Variants in KCNIP4 observed in about 807,000 individuals in gnomAD.
KCNIP4 encodes Kv channel-interacting protein 4.
A neutral mutation model predicts 34.0 loss-of-function variants in KCNIP4; 12 were observed. That is an observed-to-expected ratio of 0.35 (90% CI 0.23 to 0.57). The LOEUF (loss-of-function observed/expected upper bound fraction) is 0.57. Among genes scored for constraint, KCNIP4 ranks in the 20% least tolerant of loss-of-function variants. The pLI, the probability that KCNIP4 is intolerant of heterozygous loss-of-function variation, is 0.83. For missense variants in KCNIP4, 238 were observed against 311.7 expected, an observed-to-expected ratio of 0.76 and a Z score of 1.78; for synonymous variants, 124 against 102.2, an observed-to-expected ratio of 1.21 and a Z score of -1.29.
intron 1 of KCNIP4, among the ~76,000 whole-genome samples, chr4:21,601,598 A>G (rs772049399): frequency 3.3e-5 from 5 of 151,958 alleles, no homozygotes; most frequent in South Asian, 2.1e-4. Flanking sequence ...TGGCTCTCCA[A>G]TGGCTTCCTG....
At chr4:21,521,700 C>A (rs554166610) in intron 1 of KCNIP4, among the ~76,000 whole-genome samples, 2 of 152,182 alleles carry the variant, frequency 1.3e-5, no homozygotes, top group East Asian at 1.9e-4. Flanking sequence ...CCCAAAGAAC[C>A]ACCTCCTCCA....
chr4:21,810,337 T>C (rs1305426037), intron 1 of KCNIP4, among the ~76,000 whole-genome samples: 2 of 152,134 alleles, frequency 1.3e-5, no homozygotes, highest in African/African-American at 4.8e-5. Context: ...TTCAAAATCT[T>C]TGTCAACTCC....
At chr4:21,537,271 T>A (rs1331774508) in intron 1 of KCNIP4, among the ~76,000 whole-genome samples, 1 of 152,176 alleles carries the variant, frequency 6.6e-6, no homozygotes, top group Non-Finnish European at 1.5e-5. Context: ...AAACTTAAAT[T>A]CTGTATACAG....
chr4:20,823,289 AAGGTCC>A (rs1717333866), intron 3 of KCNIP4, among the ~76,000 whole-genome samples: 1 of 152,170 alleles, frequency 6.6e-6, no homozygotes, highest in African/African-American at 2.4e-5. Flanking sequence ...CCAAATCCTG[AAGGTCC>A]TTGTATGTAA....
intron 1 of KCNIP4, among the ~76,000 whole-genome samples, chr4:20,929,922 C>G (rs1398328554): frequency 2.0e-5 from 3 of 151,776 alleles, no homozygotes; most frequent in African/African-American, 7.3e-5. Flanking sequence ...AAAAATTTAA[C>G]AATGTTAAAA....
At chr4:21,100,983 C>T (rs564056038) in intron 1 of KCNIP4, among the ~76,000 whole-genome samples, 2 of 152,212 alleles carry the variant, frequency 1.3e-5, no homozygotes, top group South Asian at 4.1e-4. Context: ...AAAATTTTAT[C>T]TATTGAGGGG....
chr4:21,124,412 CT>C (rs1473627238), intron 1 of KCNIP4, among the ~76,000 whole-genome samples: 2 of 152,272 alleles, frequency 1.3e-5, no homozygotes, highest in East Asian at 3.9e-4. Flanking sequence ...GATCTGTGAT[CT>C]TGAGAAATTT....
chr4:21,886,835 C>T (rs1377709251), intron 1 of KCNIP4, among the ~76,000 whole-genome samples: 3 of 151,834 alleles, frequency 2.0e-5, no homozygotes, highest in Non-Finnish European at 4.4e-5. Flanking sequence ...TTTTATTTTT[C>T]ATTTTTCTTC....
chr4:21,206,931 G>A lies in KCNIP4; in HGVS notation c.62-324222C>T, dbSNP rs534613612. Among the ~76,000 whole-genome samples, 3 of 152,272 alleles carry A rather than the reference G, an allele frequency of 2.0e-5. No homozygotes were observed. In the East Asian group the frequency reaches 5.8e-4, roughly 29 times the overall value. ...CATTCATTGTTGGAGAGTTCTACAT[G>A]TTTATGAGTGTACTCATTGTCGCTT... On this transcript the variant is annotated intron_variant, in intron 1 of 8. Coordinates refer to ENST00000382152, the MANE Select transcript of KCNIP4 (RefSeq NM_025221.6).
At chr4:21,152,832 G>A (rs1249286839) in intron 1 of KCNIP4, among the ~76,000 whole-genome samples, 1 of 152,172 alleles carries the variant, frequency 6.6e-6, no homozygotes, top group African/African-American at 2.4e-5. Flanking sequence ...CTACGCATGC[G>A]TGGGATCTAT....
intron 1 of KCNIP4, among the ~76,000 whole-genome samples, chr4:21,512,229 C>T (rs971272316): frequency 1.3e-5 from 2 of 151,578 alleles, no homozygotes; most frequent in Non-Finnish European, 2.9e-5. Context: ...AGGAAGTCTC[C>T]TTTGTATCAG....
chr4:20,749,609 A>G, intron 5 of KCNIP4, 53 bp downstream of exon 5: 1 of 1,284,352 alleles, frequency 7.8e-7, no homozygotes, highest in Non-Finnish European at 1.1e-6. Flanking sequence ...TTTTCCCCCT[A>G]AAAAGACTAA....
chr4:21,686,206 T>C (rs1168324952), intron 1 of KCNIP4, among the ~76,000 whole-genome samples: 8 of 152,208 alleles, frequency 5.3e-5, no homozygotes, highest in African/African-American at 1.7e-4. Flanking sequence ...CTTCCCATTG[T>C]AGAGGTAATA....
chr4:21,766,711 C>T (rs941169048), intron 1 of KCNIP4, among the ~76,000 whole-genome samples: 53 of 152,100 alleles, frequency 3.5e-4, no homozygotes, highest in African/African-American at 1.2e-3. Context: ...GCAGGGAGGG[C>T]CCTAATTAAT....
intron 1 of KCNIP4, among the ~76,000 whole-genome samples, chr4:21,941,521 C>T (rs900955003): frequency 7.9e-5 from 12 of 151,466 alleles, no homozygotes; most frequent in South Asian, 2.1e-4. Flanking sequence ...AGATCTAATT[C>T]CCTAAAGACT....
chr4:21,703,288 G>A (rs566357691), intron 1 of KCNIP4, among the ~76,000 whole-genome samples: 83 of 152,234 alleles, frequency 5.5e-4, no homozygotes, highest in Non-Finnish European at 1.0e-3. Context: ...GGCATACAGA[G>A]TGTAAAGAAA....
rs960550736 is a variant in KCNIP4 at position 20,868,843 on chromosome 4, G to A, written c.163+13765C>T. 2.6e-5 allele frequency among the ~76,000 whole-genome samples: 4 copies of A among 152,054 alleles called. No individual in the cohort carries two copies. The South Asian group carries it at 8.3e-4, about 31-fold the overall frequency. On this transcript the variant is annotated intron_variant, in intron 2 of 8. Transcript: ENST00000382152. ...ACACTACAGACTACTGGGAAGGCGG[G>A]ACATTGAAAAACTACCTATTGGGTA...
chr4:21,703,216 T>C (rs73256527), intron 1 of KCNIP4, among the ~76,000 whole-genome samples: 4,548 of 152,138 alleles, frequency 0.03, 117 homozygotes, highest in Non-Finnish European at 0.046. Flanking sequence ...CTTCAACCAA[T>C]GTTATTCAAC....
intron 1 of KCNIP4, among the ~76,000 whole-genome samples, chr4:21,795,095 T>C (rs978198298): frequency 1.3e-5 from 2 of 152,074 alleles, no homozygotes; most frequent in Admixed American, 6.6e-5. Flanking sequence ...CAAAATGAGA[T>C]TGTATTCGGA....
Sources: allele counts gnomAD v4.1 joint callset (sites outside exome capture counted in the v4.1 genomes callset), GRCh38; gene constraint gnomAD v4.1.1; transcripts MANE v1.5; gene names NCBI Gene and HGNC (gene_info 2026-07-23, HGNC 2026-07-21).